The following ADAMTS3 variants were observed in gnomAD, a reference collection of about 807,000 sequenced individuals.
The protein encoded by ADAMTS3 is A disintegrin and metalloproteinase with thrombospondin motifs 3.
A neutral mutation model predicts 129.0 loss-of-function variants in ADAMTS3; 73 were observed. The observed-to-expected ratio is 0.57, with a 90% CI of 0.47 to 0.69. The LOEUF is 0.69. ADAMTS3 is among the 30% of genes least tolerant of loss of function. The probability of loss-of-function intolerance (pLI) is 0.00; values close to 1 mark genes in which losing one functional copy is unlikely to be tolerated. For missense variants in ADAMTS3, 1,457 were observed against 1,514.5 expected (o/e 0.96, Z 0.63); for synonymous variants, 477 against 510.8 (o/e 0.93, Z 0.89).
At position 72,290,879 on chromosome 4, in the gene ADAMTS3, C is replaced by T. The variant is rs753736899; in HGVS notation, c.2907G>A (p.Gln969=). 3 of 1,613,872 alleles carry T rather than the reference C, an allele frequency of 1.9e-6. No homozygotes were observed. In the Admixed American group the frequency reaches 5.0e-5, roughly 27 times the overall value. Residue 969 remains glutamine (Q), a synonymous_variant, in exon 20 of 22, where the codon CAG becomes CAA. Coordinates refer to ENST00000286657, the MANE Select transcript of ADAMTS3 (RefSeq NM_014243.3). ...CCTCACTCCAGGGTCCTGTTTTCCACTGTGCAGGGCAGGGCACTCTGTTAC... is the reference window on the plus strand; with the variant it reads ...CCTCACTCCAGGGTCCTGTTTTCCATTGTGCAGGGCAGGGCACTCTGTTAC... ...RPCNRVPCPA[Q]WKTGPWSECS...
intron 2 of ADAMTS3, among the ~76,000 whole-genome samples, chr4:72,550,997 T>C (rs1362024001): frequency 6.6e-6 from 1 of 152,140 alleles, no homozygotes; most frequent in Non-Finnish European, 1.5e-5. Context: ...AAGTTAGTAA[T>C]ACCGGTAACC....
chr4:72,294,222 A>G (rs1323586451), intron 19 of ADAMTS3, among the ~76,000 whole-genome samples: 2 of 152,106 alleles, frequency 1.3e-5, no homozygotes, highest in African/African-American at 4.8e-5. Context: ...CTTGTTTTCT[A>G]GATTCCATAT....
chr4:72,309,548 TA>T, intron 14 of ADAMTS3, 28 bp from the exon 15 acceptor site: 1 of 1,609,368 alleles, frequency 6.2e-7, no homozygotes, highest in Non-Finnish European at 8.5e-7. Flanking sequence ...CAAATGTGGC[TA>T]ATTTTAGTGT....
intron 3 of ADAMTS3, among the ~76,000 whole-genome samples, chr4:72,520,688 G>C (rs566628235): frequency 3.3e-5 from 5 of 152,312 alleles, no homozygotes; most frequent in Admixed American, 3.3e-4. Context: ...TCCTAAGCCT[G>C]TCAGAAAAGC....
At chr4:72,376,143 T>A (rs1383673422) in intron 4 of ADAMTS3, among the ~76,000 whole-genome samples, 1 of 152,130 alleles carries the variant, frequency 6.6e-6, no homozygotes, top group Non-Finnish European at 1.5e-5. Flanking sequence ...AAGTAAAATG[T>A]CAAAGAATAA....
At chr4:72,541,426 G>A (rs1245035163) in intron 3 of ADAMTS3, among the ~76,000 whole-genome samples, 2 of 152,222 alleles carry the variant, frequency 1.3e-5, no homozygotes, top group East Asian at 3.8e-4. Context: ...ACTTTGGACT[G>A]CGGACTTTTG....
intron 3 of ADAMTS3, among the ~76,000 whole-genome samples, chr4:72,535,492 A>G (rs757372409): frequency 6.6e-6 from 1 of 152,220 alleles, no homozygotes; most frequent in Non-Finnish European, 1.5e-5. Context: ...TTTTAGAGAC[A>G]TCACCAGACA....
intron 3 of ADAMTS3, among the ~76,000 whole-genome samples, chr4:72,440,423 A>G (rs189561347): frequency 6.6e-5 from 10 of 151,768 alleles, no homozygotes; most frequent in Admixed American, 1.3e-4. Flanking sequence ...TGCATAGGGG[A>G]AAAAAATCAT....
At chr4:72,358,488 A>G (rs75764923) in intron 4 of ADAMTS3, among the ~76,000 whole-genome samples, 311 of 151,998 alleles carry the variant, frequency 2.0e-3, no homozygotes, top group Non-Finnish European at 2.8e-3. Context: ...CTATCGTATG[A>G]ACTATTCATT....
intron 3 of ADAMTS3, among the ~76,000 whole-genome samples, chr4:72,428,937 T>C (rs1163921086): frequency 6.6e-6 from 1 of 152,090 alleles, no homozygotes; most frequent in East Asian, 1.9e-4. Context: ...CTCATATACT[T>C]AACTCCTTAA....
At chr4:72,558,403 G>C (rs1721819570) in intron 2 of ADAMTS3, among the ~76,000 whole-genome samples, 1 of 151,506 alleles carries the variant, frequency 6.6e-6, no homozygotes, top group African/African-American at 2.4e-5. Context: ...CAGCAACAGG[G>C]GACTAAGTCC....
intron 3 of ADAMTS3, among the ~76,000 whole-genome samples, chr4:72,532,491 G>GCACA (rs35399046): frequency 0.019 from 2,869 of 148,746 alleles, 38 homozygotes; most frequent in South Asian, 0.03. Flanking sequence ...AATTTAATAT[G>GCACA]CACACACACA....
intron 1 of ADAMTS3, 30 bp downstream of exon 1, chr4:72,568,664 T>C (rs775090433): frequency 1.4e-6 from 2 of 1,439,666 alleles, no homozygotes; most frequent in Admixed American, 4.5e-5. Context: ...GGGTTTGAGT[T>C]TTTTTTTATT....
chr4:72,416,881 A>G lies in ADAMTS3; in HGVS notation c.505-1910T>C, dbSNP rs887277314. 7.2e-5 allele frequency among the ~76,000 whole-genome samples: 11 copies of G among 152,224 alleles called. 1 individual carries two copies. Among genetic ancestry groups the G allele is most frequent in the Admixed American group, 4.6e-4 (7 of 15,286 alleles). On this transcript the variant is annotated intron_variant, in intron 3 of 21. Transcript: ENST00000286657. ...ATGTCCATAAAATACATCCAAACTA[A>G]GCACAAACACAGTAAATGTATAAAA...
In ADAMTS3 at chr4:72,323,041, C is replaced by T. The variant is rs1461065417; in HGVS notation, c.918G>A (p.Val306=). 1 of 1,613,566 alleles carries T rather than the reference C, an allele frequency of 6.2e-7. No individual in the cohort carries two copies. Among genetic ancestry groups the T allele is most frequent in the Non-Finnish European group, 8.5e-7 (1 of 1,179,682 alleles). ...SLGVHINVVL[V]RMIMLGYAKS... is the part of the protein sequence containing the mutation. ...TTGCATATCCCAGCATTATCATGCG[C>T]ACCAGGACCACATTTATATGCACTC... Residue 306 remains valine (V), a synonymous_variant, in exon 6 of 22, where the codon GTG becomes GTA. Transcript: ENST00000286657.
In ADAMTS3 at chr4:72,303,146, T is replaced by C. The variant is rs554428602; in HGVS notation, c.2424+771A>G. Among the ~76,000 whole-genome samples, 3 of 152,120 alleles carry C rather than the reference T, an allele frequency of 2.0e-5. No individual in the cohort carries two copies. The South Asian group carries it at 6.2e-4, about 32-fold the overall frequency. On this transcript the variant is annotated intron_variant, in intron 17 of 21. Coordinates refer to ENST00000286657, the MANE Select transcript of ADAMTS3 (RefSeq NM_014243.3). ...CCTTGGAGCCCTCTGACCCACAGAC[T>C]CTCTTCTGTGCTGCTGAATGACACC...
intron 5 of ADAMTS3, among the ~76,000 whole-genome samples, chr4:72,330,084 T>C (rs1028434087): frequency 6.6e-6 from 1 of 152,188 alleles, no homozygotes; most frequent in African/African-American, 2.4e-5. Flanking sequence ...AATGGCATCA[T>C]CTCGGCTCAC....
chr4:72,451,201 G>C (rs904242629), intron 3 of ADAMTS3, among the ~76,000 whole-genome samples: 1 of 151,660 alleles, frequency 6.6e-6, no homozygotes, highest in African/African-American at 2.4e-5. Context: ...AACAGGAGAA[G>C]ATCAAGTCTG....
chr4:72,311,009 A>G (rs1719218474), intron 14 of ADAMTS3, 39 bp downstream of exon 14: 1 of 1,536,314 alleles, frequency 6.5e-7, no homozygotes, highest in South Asian at 1.3e-5. Flanking sequence ...GTAAACGTAG[A>G]TAACGTAGAA....
Sources: allele counts gnomAD v4.1 joint callset (sites outside exome capture counted in the v4.1 genomes callset), GRCh38; gene constraint gnomAD v4.1.1; transcripts MANE v1.5; gene names NCBI Gene and HGNC (gene_info 2026-07-23, HGNC 2026-07-21).